Variants in CATSPERG observed in about 807,000 individuals in gnomAD.
CATSPERG encodes catsper channel auxiliary subunit gamma.
A neutral mutation model predicts 145.0 loss-of-function variants in CATSPERG; 115 were observed. The observed-to-expected ratio is 0.79, with a 90% CI of 0.68 to 0.93. The LOEUF is 0.93. Among genes scored for constraint, CATSPERG ranks in the 40% least tolerant of loss-of-function variants. The pLI is 0.00. For synonymous variants in CATSPERG, 588 were observed against 589.0 expected, an observed-to-expected ratio of 1.00 and a Z score of 0.02; for missense variants, 1,296 against 1,490.1, an observed-to-expected ratio of 0.87 and a Z score of 2.14.
intron 3 of CATSPERG, among the ~76,000 whole-genome samples, chr19:38,340,423 C>T (rs562468108): frequency 1.7e-4 from 25 of 150,524 alleles, no homozygotes; most frequent in Non-Finnish European, 1.5e-5. Context: ...TGGGTTCAAG[C>T]GATTCTCCTG....
rs960352548 is a variant in CATSPERG at position 38,354,581 on chromosome 19, C to T, written c.998-129C>T. 9.2e-6 allele frequency: 10 copies of T among 1,085,206 alleles called. No homozygotes were observed. The Admixed American group carries it at 1.6e-4, about 17-fold the overall frequency. 67.2% of individuals were successfully genotyped at this position (1,085,206 alleles called of 1,614,324 possible). A position where few individuals can be genotyped will look rare whatever the true frequency, so the allele number is the denominator to read the frequency against. On this transcript the variant is annotated intron_variant, in intron 8 of 28. Coordinates refer to ENST00000409235, the MANE Select transcript of CATSPERG (RefSeq NM_021185.5). Reference sequence around the variant, plus strand: ...GCCCTCTGCCAGGTGCTCCCTGACACCACACTGAACGGGTGCTTCAGCATG... The same window carrying T: ...GCCCTCTGCCAGGTGCTCCCTGACATCACACTGAACGGGTGCTTCAGCATG...
At chr19:38,336,328 C>T in intron 1 of CATSPERG, 1 of 311,342 alleles carries the variant, frequency 3.2e-6, no homozygotes, top group Non-Finnish European at 6.9e-6. Flanking sequence ...AGGGGCAGGG[C>T]GAGGAGGAGG....
chr19:38,360,076 G>A (rs1160259180), intron 14 of CATSPERG: 12 of 985,154 alleles, frequency 1.2e-5, no homozygotes, highest in Non-Finnish European at 1.4e-5. Flanking sequence ...CTTCAGATGT[G>A]TATGGGGGTG....
Position 38,361,776 on chromosome 19 carries a change from G to A in CATSPERG, c.2009G>A (p.Arg670His), listed in dbSNP as rs1003951349. 1 of 1,612,986 alleles carries A rather than the reference G, an allele frequency of 6.2e-7. No homozygotes were observed. Among genetic ancestry groups the A allele is most frequent in the Admixed American group, 1.7e-5 (1 of 59,874 alleles). ...GCGCGGCCGCCGCGCGTCCTGGAGC[G>A]CTCGGGCTTCCACAACGAGAACTCG... ...YRARPPRVLE[R>H]SGFHNENSLA... Residue 670 changes from arginine to histidine, a missense_variant, in exon 17 of 29, where the codon CGC (arginine) becomes CAC (histidine). Transcript: ENST00000409235.
At chr19:38,354,218 A>G (rs749396652) in intron 8 of CATSPERG, among the ~76,000 whole-genome samples, 1 of 152,134 alleles carries the variant, frequency 6.6e-6, no homozygotes, top group Non-Finnish European at 1.5e-5. Context: ...TAATCCAAAG[A>G]AAAGTGGTGT....
Position 38,370,073 on chromosome 19 carries a change from G to C in CATSPERG, c.3113+9G>C. The C allele has an allele frequency of 6.2e-7, 1 of 1,614,118 alleles. No homozygotes were observed. Among genetic ancestry groups the C allele is most frequent in the South Asian group, 1.1e-5 (1 of 91,086 alleles). On this transcript the variant is annotated intron_variant, in intron 27 of 28. Coordinates refer to ENST00000409235, the MANE Select transcript of CATSPERG (RefSeq NM_021185.5). ...GTGTTGGTGAGCAATAGGTGAGCCAGGCAAGTGGCCCAGGTGCGGGTCAGG... is the reference window on the plus strand; with the variant it reads ...GTGTTGGTGAGCAATAGGTGAGCCACGCAAGTGGCCCAGGTGCGGGTCAGG...
At position 38,346,573 on chromosome 19, in the gene CATSPERG, G is replaced by A; in HGVS notation, c.793G>A (p.Asp265Asn). ...IPNEKYVLMT[D>N]TSFKDFSLVE... ...CAATGAGAAGTACGTCCTGATGACT[G>A]ACACCAGCTTCAAGGACTTCTCTCT... is the stretch of plus-strand genomic sequence containing the variant. The change falls in exon 7 of 29, where the codon GAC becomes AAC. Residue 265 changes from aspartate (D) to asparagine (N), a missense_variant. Asp to Asn is a conservative substitution (Grantham distance 23, BLOSUM62 1). Transcript: ENST00000409235. 1 of 1,551,536 alleles carries A rather than the reference G, an allele frequency of 6.4e-7. No homozygotes were observed. The highest frequency in any genetic ancestry group is 1.4e-5 in the African/African-American group (1 of 73,174).
intron 3 of CATSPERG, 78 bp downstream of exon 3, chr19:38,337,724 AT>A: frequency 6.1e-6 from 8 of 1,317,100 alleles, no homozygotes; most frequent in Non-Finnish European, 8.3e-6. Context: ...TTATTTATTT[AT>A]TTTATTTTTT....
intron 20 of CATSPERG, 34 bp downstream of exon 20, chr19:38,362,866 GTTTTGT>G: frequency 3.7e-6 from 3 of 806,144 alleles, no homozygotes; most frequent in African/African-American, 1.8e-5. Context: ...ATCAAGGGAG[GTTTTGT>G]TTTTTTTTTT....
intron 11 of CATSPERG, among the ~76,000 whole-genome samples, chr19:38,357,877 G>A (rs1970273156): frequency 6.6e-6 from 1 of 152,034 alleles, no homozygotes; most frequent in Admixed American, 6.6e-5. Flanking sequence ...ACTTGAACCT[G>A]GGAGGCAGAG....
At chr19:38,360,288 G>A (rs1970321635) in intron 14 of CATSPERG, 1 of 985,226 alleles carries the variant, frequency 1.0e-6, no homozygotes, top group Non-Finnish European at 1.2e-6. Flanking sequence ...TGTGAGGGCT[G>A]GAACCAGAGG....
At chr19:38,368,497 G>T (rs561878163) in intron 26 of CATSPERG, among the ~76,000 whole-genome samples, 1 of 152,336 alleles carries the variant, frequency 6.6e-6, no homozygotes, top group South Asian at 2.1e-4. Context: ...ACTGTCTGGT[G>T]TGGGGTCTGT....
intron 8 of CATSPERG, 119 bp from the exon 9 acceptor site, chr19:38,354,591 C>G (rs949061250): frequency 8.4e-7 from 1 of 1,191,148 alleles, no homozygotes; most frequent in African/African-American, 1.5e-5. Context: ...CCACACTGAA[C>G]GGGTGCTTCA....
In CATSPERG at chr19:38,365,044, C is replaced by T. The variant is rs370903042; in HGVS notation, c.2557-17C>T. Reference sequence around the variant, plus strand: ...GGGCCGGCGGGGATCACCATCTTCACCTGCTCCTACCCACAGGTGGTGGGT... The same window carrying T: ...GGGCCGGCGGGGATCACCATCTTCATCTGCTCCTACCCACAGGTGGTGGGT... On this transcript the variant is annotated splice_polypyrimidine_tract_variant and intron_variant, in intron 21 of 28. Coordinates refer to ENST00000409235, the MANE Select transcript of CATSPERG (RefSeq NM_021185.5). 15 of 1,613,976 alleles carry T rather than the reference C, an allele frequency of 9.3e-6. No individual in the cohort carries two copies. Among genetic ancestry groups the T allele is most frequent in the African/African-American group, 2.7e-5 (2 of 74,910 alleles).
At chr19:38,341,520 T>C (rs1421669324) in intron 3 of CATSPERG, among the ~76,000 whole-genome samples, 1 of 152,112 alleles carries the variant, frequency 6.6e-6, no homozygotes, top group Admixed American at 6.5e-5. Flanking sequence ...TCCCAGCACT[T>C]TGGGAGGCCA....
chr19:38,370,217 G>C lies in CATSPERG; in HGVS notation c.3172G>C (p.Gly1058Arg), dbSNP rs758153598. Residue 1058 changes from glycine (G) to arginine (R), a missense_variant, in exon 28 of 29, where the codon GGG (glycine) becomes CGG (arginine). By Grantham distance (125) the Gly-to-Arg change is moderately radical. Coordinates refer to ENST00000409235, the MANE Select transcript of CATSPERG (RefSeq NM_021185.5). Reference sequence around the variant, plus strand: ...GCTCACCTTCCTGCTGCACATCCACGGGCTGCCACTCAGTCCCAAGCGGGC... The same window carrying C: ...GCTCACCTTCCTGCTGCACATCCACCGGCTGCCACTCAGTCCCAAGCGGGC... ...YQLTFLLHIH[G>R]LPLSPKRALF... 1.2e-6 allele frequency: 2 copies of C among 1,613,638 alleles called. No homozygotes were observed. Among genetic ancestry groups the C allele is most frequent in the Admixed American group, 3.3e-5 (2 of 59,996 alleles).
intron 14 of CATSPERG, 150 bp downstream of exon 14, chr19:38,359,731 A>C: frequency 1.5e-6 from 2 of 1,378,124 alleles, no homozygotes; most frequent in East Asian, 2.8e-5. Flanking sequence ...TTATAACTGA[A>C]ACTCCTGGAA....
chr19:38,345,907 C>G (rs1555729147), intron 6 of CATSPERG, among the ~76,000 whole-genome samples: 1 of 152,200 alleles, frequency 6.6e-6, no homozygotes, highest in Non-Finnish European at 1.5e-5. Flanking sequence ...ATCATGGGGA[C>G]ACAGCAGTGA....
At position 38,360,483 on chromosome 19, in the gene CATSPERG, C is replaced by G; in HGVS notation, c.1609-6C>G. On this transcript the variant is annotated splice_region_variant and splice_polypyrimidine_tract_variant and intron_variant, in intron 14 of 28. Coordinates refer to ENST00000409235, the MANE Select transcript of CATSPERG (RefSeq NM_021185.5). ...ACACACACACATCCGGCTGTCATAC[C>G]CGCAGATCTGGTACCTCCTGGAGGG... is the stretch of plus-strand genomic sequence containing the variant. 6.2e-7 allele frequency: 1 copy of G among 1,613,916 alleles called. No individual in the cohort carries two copies. The highest frequency in any genetic ancestry group is 8.5e-7 in the Non-Finnish European group (1 of 1,179,958).
Sources: gnomAD v4.1 joint callset for allele counts (sites outside exome capture counted in the v4.1 genomes callset) on GRCh38, gnomAD v4.1.1 for gene constraint, MANE v1.5 for transcripts, NCBI Gene and HGNC (gene_info 2026-07-23, HGNC 2026-07-21) for gene names.